Variants in ADAMTS2 observed in about 807,000 individuals in gnomAD.
ADAMTS2 encodes A disintegrin and metalloproteinase with thrombospondin motifs 2.
Under a neutral mutation model 123.0 loss-of-function variants are expected in ADAMTS2, and 50 were observed. That is an observed-to-expected ratio of 0.41 (90% CI 0.32 to 0.51). The LOEUF is 0.51. Ranked by LOEUF, ADAMTS2 falls within the 20% of genes least tolerant of loss-of-function variation. ADAMTS2 has a pLI of 0.35. For missense variants in ADAMTS2, 1,494 were observed against 1,705.2 expected, an observed-to-expected ratio of 0.88 and a Z score of 2.18; for synonymous variants, 678 against 695.4, an observed-to-expected ratio of 0.98 and a Z score of 0.39.
At position 179,246,068 on chromosome 5, in the gene ADAMTS2, G is replaced by A. The variant is rs112871575; in HGVS notation, c.688+26843C>T. ...AACCAGGGAATGCTTAATGAAGAAA[G>A]CAGCTACTGAATTTTGGTGACAGTG... is the stretch of plus-strand genomic sequence containing the variant. On this transcript the variant is annotated intron_variant, in intron 3 of 21. Coordinates refer to ENST00000251582, the MANE Select transcript of ADAMTS2 (RefSeq NM_014244.5). 1.9e-3 allele frequency among the ~76,000 whole-genome samples: 286 copies of A among 152,258 alleles called. 1 individual carries two copies. The highest frequency in any genetic ancestry group is 6.7e-3 in the African/African-American group (278 of 41,546).
rs1185710519 is a variant in ADAMTS2, at chr5:179,128,222, A to G, written c.2458-104T>C. The G allele has an allele frequency of 4.2e-6, 6 of 1,415,436 alleles. No homozygotes were observed. Among genetic ancestry groups the G allele is most frequent in the African/African-American group, 2.8e-5 (2 of 71,338 alleles). The allele number at this position is 1,415,436 out of a possible 1,614,324, so 87.7% of individuals were successfully genotyped here. On this transcript the variant is annotated intron_variant, in intron 16 of 21. Coordinates refer to ENST00000251582, the MANE Select transcript of ADAMTS2 (RefSeq NM_014244.5). This position sits in a 1 kb window ranked among gnomAD's most constrained non-coding sequence, Gnocchi z 4.9. ...AGGCCGACTCCAGAGGAGTCTCATC[A>G]TTCATGGCAGTTACATTCCATGAAG...
chr5:179,344,882 C>G (rs943166564), intron 1 of ADAMTS2, among the ~76,000 whole-genome samples: 14 of 152,180 alleles, frequency 9.2e-5, no homozygotes, highest in Admixed American at 5.9e-4. Context: ...CTGGCTCCCC[C>G]CTCGGACCCG....
chr5:179,192,994 C>T (rs1330332823), intron 4 of ADAMTS2, among the ~76,000 whole-genome samples: 1 of 152,146 alleles, frequency 6.6e-6, no homozygotes, highest in African/African-American at 2.4e-5. Context: ...CCCAGGGTGG[C>T]CGAGGGCTGG....
chr5:179,344,961 A>T (rs531633111), intron 1 of ADAMTS2, among the ~76,000 whole-genome samples: 1 of 151,946 alleles, frequency 6.6e-6, no homozygotes, highest in South Asian at 2.1e-4. Context: ...TCCGCGACTC[A>T]GGAGCCGCCA....
At chr5:179,277,321 A>T (rs390809) in intron 2 of ADAMTS2, among the ~76,000 whole-genome samples, 1 of 61,876 alleles carries the variant, frequency 1.6e-5, no homozygotes, top group African/African-American at 1.3e-4. Context: ...AAAGGCTGAC[A>T]CCCCGAGACC....
At chr5:179,186,323 C>T (rs112998419) in intron 4 of ADAMTS2, among the ~76,000 whole-genome samples, 18 of 152,266 alleles carry the variant, frequency 1.2e-4, no homozygotes, top group African/African-American at 4.1e-4. Context: ...ACCCACAGTC[C>T]GGGGCCGGGC....
intron 3 of ADAMTS2, among the ~76,000 whole-genome samples, chr5:179,211,310 C>A (rs1432546143): frequency 1.3e-5 from 2 of 152,192 alleles, no homozygotes; most frequent in Admixed American, 1.3e-4. Context: ...GATGACACTG[C>A]CCTTGGCCTT....
chr5:179,340,848 A>T (rs1757751376), intron 2 of ADAMTS2, among the ~76,000 whole-genome samples: 1 of 152,198 alleles, frequency 6.6e-6, no homozygotes, highest in Non-Finnish European at 1.5e-5. Flanking sequence ...ATGGGCATGT[A>T]AAAACCACGT....
intron 5 of ADAMTS2, among the ~76,000 whole-genome samples, chr5:179,174,890 C>T (rs1199137515): frequency 1.4e-5 from 1 of 70,080 alleles, no homozygotes; most frequent in Non-Finnish European, 2.9e-5. Context: ...GCTTGGGTTC[C>T]GCAGCTGTCT....
At chr5:179,302,097 A>C (rs994131816) in intron 2 of ADAMTS2, among the ~76,000 whole-genome samples, 12 of 152,124 alleles carry the variant, frequency 7.9e-5, no homozygotes, top group African/African-American at 2.9e-4. Flanking sequence ...GGGAGTGTAG[A>C]GTGAGTAGGA....
In ADAMTS2 at chr5:179,181,868, G is replaced by C. The variant is rs1021087714; in HGVS notation, c.892-713C>G. On this transcript the variant is annotated intron_variant, in intron 4 of 21. Coordinates refer to ENST00000251582, the MANE Select transcript of ADAMTS2 (RefSeq NM_014244.5). The surrounding 1 kb of genome is among the most constrained non-coding windows in gnomAD (Gnocchi z 4.1). ...GGACCCGTGGCACAAAAACAGGGGGGTGAACTCCCCTTCTACAGAACACAG... is the reference window on the plus strand; with the variant it reads ...GGACCCGTGGCACAAAAACAGGGGGCTGAACTCCCCTTCTACAGAACACAG... 7.2e-5 allele frequency among the ~76,000 whole-genome samples: 11 copies of C among 152,124 alleles called. No homozygotes were observed. The highest frequency in any genetic ancestry group is 2.4e-4 in the African/African-American group (10 of 41,406).
chr5:179,325,543 G>A (rs888120300), intron 2 of ADAMTS2, among the ~76,000 whole-genome samples: 5 of 152,250 alleles, frequency 3.3e-5, no homozygotes, highest in African/African-American at 9.6e-5. Flanking sequence ...GTCCTGTGAC[G>A]AGGCCTGGCC....
intron 4 of ADAMTS2, among the ~76,000 whole-genome samples, chr5:179,183,740 C>A (rs2113318270): frequency 6.6e-6 from 1 of 152,342 alleles, no homozygotes; most frequent in Admixed American, 6.5e-5. Flanking sequence ...GAGAGGAGGG[C>A]AGGCCTGCTT....
In ADAMTS2 at chr5:179,128,341, C is replaced by T. The variant is rs1035443050; in HGVS notation, c.2458-223G>A. Among the ~76,000 whole-genome samples the T allele has an allele frequency of 6.6e-6, 1 of 152,174 alleles. No individual in the cohort carries two copies. Among genetic ancestry groups the T allele is most frequent in the South Asian group, 2.1e-4 (1 of 4,818 alleles). On this transcript the variant is annotated intron_variant, in intron 16 of 21. Coordinates refer to ENST00000251582, the MANE Select transcript of ADAMTS2 (RefSeq NM_014244.5). This position sits in a 1 kb window ranked among gnomAD's most constrained non-coding sequence, Gnocchi z 4.9. ...AGCCTCTGTCTCAACATTTTTGTTA[C>T]CCGATCAATATATAACCTTGTTTTA...
intron 11 of ADAMTS2, among the ~76,000 whole-genome samples, chr5:179,139,338 G>T (rs955085359): frequency 1.3e-5 from 2 of 152,216 alleles, no homozygotes; most frequent in Admixed American, 1.3e-4. Flanking sequence ...GTGTGGGGGT[G>T]AGGTGGGAGG....
intron 3 of ADAMTS2, among the ~76,000 whole-genome samples, chr5:179,221,720 C>T (rs539455845): frequency 1.3e-5 from 2 of 152,154 alleles, no homozygotes; most frequent in South Asian, 4.1e-4. Flanking sequence ...CAGAGAAGAG[C>T]CCCCCGCAGA....
chr5:179,256,518 C>T lies in ADAMTS2; in HGVS notation c.688+16393G>A, dbSNP rs1469209280. Among the ~76,000 whole-genome samples the T allele has an allele frequency of 7.3e-6, 1 of 136,470 alleles. No individual in the cohort carries two copies. The highest frequency in any genetic ancestry group is 2.0e-4 in the East Asian group (1 of 5,120). The allele number at this position is 136,470 out of a possible 152,430, so 89.5% of individuals were successfully genotyped here. ...GCTCTGACCATGGGTGTGTGCATGC[C>T]TGCGTGTGTGTGAGAGAGAGAGAGG... is the stretch of plus-strand genomic sequence containing the variant. On this transcript the variant is annotated intron_variant, in intron 3 of 21. Coordinates refer to ENST00000251582, the MANE Select transcript of ADAMTS2 (RefSeq NM_014244.5). This position sits in a 1 kb window ranked among gnomAD's most constrained non-coding sequence, Gnocchi z 4.1.
At chr5:179,289,290 G>A (rs745827932) in intron 2 of ADAMTS2, among the ~76,000 whole-genome samples, 3 of 152,172 alleles carry the variant, frequency 2.0e-5, no homozygotes, top group African/African-American at 7.2e-5. Context: ...TAATAGGTTA[G>A]AACCCATTGA....
At chr5:179,248,012 A>G (rs980885692) in intron 3 of ADAMTS2, among the ~76,000 whole-genome samples, 8 of 152,214 alleles carry the variant, frequency 5.3e-5, no homozygotes, top group African/African-American at 1.9e-4. Flanking sequence ...GATTTAGTCT[A>G]TAGATGCATA....
Sources: gnomAD v4.1 joint callset for allele counts (sites outside exome capture counted in the v4.1 genomes callset) on GRCh38, gnomAD v4.1.1 for gene constraint, Gnocchi (gnomAD v3.1) non-coding constraint, MANE v1.5 for transcripts, NCBI Gene and HGNC (gene_info 2026-07-23, HGNC 2026-07-21) for gene names.